The following DLGAP1 variants were observed in gnomAD, a reference collection of about 807,000 sequenced individuals.
The protein encoded by DLGAP1 is disks large-associated protein 1.
DLGAP1 carries 11 observed loss-of-function variants against 90.8 expected under a neutral mutation model. That is an observed-to-expected ratio of 0.12 (90% CI 0.08 to 0.20). The LOEUF (loss-of-function observed/expected upper bound fraction) is 0.20. Ranked by LOEUF, DLGAP1 falls within the 10% of genes least tolerant of loss-of-function variation. DLGAP1 has a pLI of 1.00. For synonymous variants in DLGAP1, 558 were observed against 540.7 expected, an observed-to-expected ratio of 1.03 and a Z score of -0.44; for missense variants, 1,050 against 1,333.8, an observed-to-expected ratio of 0.79 and a Z score of 3.31.
chr18:4,444,085 G>A (rs1351139264), intron 1 of DLGAP1, among the ~76,000 whole-genome samples: 1 of 152,186 alleles, frequency 6.6e-6, no homozygotes, highest in Admixed American at 6.5e-5. Context: ...AGCCCCAGAT[G>A]GCAGAGAAGG....
At chr18:4,217,317 A>G (rs1273423023) in intron 1 of DLGAP1, among the ~76,000 whole-genome samples, 1 of 152,156 alleles carries the variant, frequency 6.6e-6, no homozygotes, top group African/African-American at 2.4e-5. Flanking sequence ...GGTTTGACAA[A>G]TATGAATAAT....
intron 3 of DLGAP1, among the ~76,000 whole-genome samples, chr18:3,913,124 T>C (rs2072070980): frequency 6.6e-6 from 1 of 152,202 alleles, no homozygotes; most frequent in African/African-American, 2.4e-5. Context: ...TTTTGTTTTG[T>C]TTTTGAGACA....
At chr18:4,243,169 T>C (rs939741232) in intron 1 of DLGAP1, among the ~76,000 whole-genome samples, 2 of 120,910 alleles carry the variant, frequency 1.7e-5, no homozygotes, top group African/African-American at 5.2e-5. Flanking sequence ...TGGAACACAT[T>C]ATTTAAAATC....
At chr18:3,721,227 A>G (rs774998103) in intron 7 of DLGAP1, among the ~76,000 whole-genome samples, 2 of 152,184 alleles carry the variant, frequency 1.3e-5, no homozygotes, top group Non-Finnish European at 2.9e-5. Flanking sequence ...GTCAGATCAG[A>G]ATTACATTAG....
At chr18:4,147,492 A>G (rs1196084561) in intron 2 of DLGAP1, among the ~76,000 whole-genome samples, 1 of 152,184 alleles carries the variant, frequency 6.6e-6, no homozygotes, top group Non-Finnish European at 1.5e-5. Flanking sequence ...TCTATAGCAC[A>G]AGCCAGAGTA....
At position 4,087,030 on chromosome 18, in the gene DLGAP1, TATATATATATACACAAACAC is replaced by T. The variant is rs2143690164; in HGVS notation, c.-159+64130_-159+64149del. Among the ~76,000 whole-genome samples the T allele has an allele frequency of 1.6e-5, 2 of 125,086 alleles. 1 individual carries two copies. Among genetic ancestry groups the T allele is most frequent in the Admixed American group, 1.6e-4 (2 of 12,720 alleles). 82.1% of individuals were successfully genotyped at this position (125,086 alleles called of 152,430 possible). The stretch of plus-strand genomic sequence containing the variant: ...GTTCTGAAGTCTACCTTGTCTGAGA[TATATATATATACACAAACAC>T]ATATATATATACACACACTTATATA... On this transcript the variant is annotated intron_variant, in intron 2 of 12. Transcript: ENST00000315677.
chr18:3,663,219 C>T (rs140589551), intron 7 of DLGAP1, among the ~76,000 whole-genome samples: 6 of 151,478 alleles, frequency 4.0e-5, no homozygotes, highest in East Asian at 3.9e-4. Context: ...TGTAGTGAGC[C>T]GAGATCATGC....
intron 3 of DLGAP1, among the ~76,000 whole-genome samples, chr18:3,972,857 A>G (rs1446461224): frequency 6.6e-6 from 1 of 152,206 alleles, no homozygotes. Flanking sequence ...GCCTGAAGCC[A>G]AAAGACTTTC....
intron 1 of DLGAP1, among the ~76,000 whole-genome samples, chr18:4,285,382 G>A (rs2079662445): frequency 6.6e-6 from 1 of 152,092 alleles, no homozygotes; most frequent in Non-Finnish European, 1.5e-5. Context: ...AAGAAGAGGG[G>A]CAGAAAATGG....
At chr18:3,585,001 T>C (rs2055791072) in intron 7 of DLGAP1, among the ~76,000 whole-genome samples, 2 of 152,178 alleles carry the variant, frequency 1.3e-5, no homozygotes, top group South Asian at 4.1e-4. Flanking sequence ...GATCCTCCCA[T>C]CTTGGCCTCT....
chr18:3,516,218 C>CT lies in DLGAP1; in HGVS notation c.2480-7558dup, dbSNP rs200518767. ...TGGTGATTCCTTTCCAGAAGTTTTT[C>CT]TTTTTTTTTTAATTTTTAAATTATT... On this transcript the variant is annotated intron_variant, in intron 10 of 12. Transcript: ENST00000315677. Among the ~76,000 whole-genome samples, 761 of 148,502 alleles carry CT rather than the reference C, an allele frequency of 5.1e-3. 12 individuals carry two copies. The highest frequency in any genetic ancestry group is 0.031 in the Admixed American group (465 of 14,844).
chr18:3,800,977 G>A (rs2066262318), intron 5 of DLGAP1, among the ~76,000 whole-genome samples: 2 of 152,156 alleles, frequency 1.3e-5, no homozygotes, highest in South Asian at 4.1e-4. Context: ...AGGAAGCACG[G>A]TGCTGGTAGC....
At chr18:3,587,552 CA>C (rs2055962841) in intron 7 of DLGAP1, among the ~76,000 whole-genome samples, 1 of 152,136 alleles carries the variant, frequency 6.6e-6, no homozygotes, top group Non-Finnish European at 1.5e-5. Flanking sequence ...TGGGCGGGGA[CA>C]AATAAGGGAA....
chr18:3,527,410 C>CTGTTTTTTT lies in DLGAP1; in HGVS notation c.2479+6783_2479+6784insAAAAAAACA, dbSNP rs1555668846. On this transcript the variant is annotated intron_variant, in intron 10 of 12. Coordinates refer to ENST00000315677, the MANE Select transcript of DLGAP1 (RefSeq NM_004746.4). ...GTGAGTAAACAGGTTATTTTCCAAA[C>CTGTTTTTTT]TTTTTTTTTTTTTTTTTTTTTTGCC... Among the ~76,000 whole-genome samples the CTGTTTTTTT allele has an allele frequency of 1.0e-3, 105 of 100,688 alleles. 11 individuals carry two copies. Among genetic ancestry groups the CTGTTTTTTT allele is most frequent in the South Asian group, 2.8e-3 (8 of 2,854 alleles). 66.1% of individuals were successfully genotyped at this position (100,688 alleles called of 152,430 possible). A position where few individuals can be genotyped will look rare whatever the true frequency, so the allele number is the denominator to read the frequency against.
At chr18:4,420,202 A>T (rs1050066652) in intron 1 of DLGAP1, among the ~76,000 whole-genome samples, 4 of 152,226 alleles carry the variant, frequency 2.6e-5, no homozygotes, top group African/African-American at 9.6e-5. Flanking sequence ...TCTGATAAAA[A>T]TGAAAACAAA....
chr18:4,008,214 AATAT>A (rs755508079), intron 2 of DLGAP1, among the ~76,000 whole-genome samples: 15 of 145,348 alleles, frequency 1.0e-4, no homozygotes, highest in African/African-American at 3.5e-4. Context: ...TAAATAAATA[AATAT>A]ATATATATAC....
chr18:3,547,481 A>C (rs553731945), intron 9 of DLGAP1, among the ~76,000 whole-genome samples: 22 of 152,106 alleles, frequency 1.4e-4, no homozygotes, highest in Non-Finnish European at 2.5e-4. Context: ...ATTTCTCCAA[A>C]GAGATAAAAA....
At chr18:4,019,490 T>C (rs955811524) in intron 2 of DLGAP1, among the ~76,000 whole-genome samples, 1 of 152,198 alleles carries the variant, frequency 6.6e-6, no homozygotes, top group Non-Finnish European at 1.5e-5. Flanking sequence ...CTTTTCGTTT[T>C]CATTATGCAA....
At chr18:3,673,558 CT>C (rs1014672604) in intron 7 of DLGAP1, among the ~76,000 whole-genome samples, 1 of 151,946 alleles carries the variant, frequency 6.6e-6, no homozygotes, top group African/African-American at 2.4e-5. Context: ...GATTGCAACT[CT>C]TTTTTTTGGA....
Sources: gnomAD v4.1 joint callset for allele counts (sites outside exome capture counted in the v4.1 genomes callset) on GRCh38, gnomAD v4.1.1 for gene constraint, MANE v1.5 for transcripts, NCBI Gene and HGNC (gene_info 2026-07-23, HGNC 2026-07-21) for gene names.